The following RBFOX1 variants were observed in gnomAD, a reference collection of about 807,000 sequenced individuals.
RBFOX1 encodes the protein RNA binding protein fox-1 homolog 1.
RBFOX1 carries 8 observed loss-of-function variants against 57.7 expected under a neutral mutation model. That is an observed-to-expected ratio of 0.14 (90% CI 0.08 to 0.25). The LOEUF (loss-of-function observed/expected upper bound fraction) is 0.25, where lower values mean the gene tolerates loss of function less well. RBFOX1 is among the 10% of genes least tolerant of loss of function. The pLI is 1.00. For synonymous variants in RBFOX1, 326 were observed against 222.4 expected, an observed-to-expected ratio of 1.47 and a Z score of -4.15; for missense variants, 611 against 548.5, an observed-to-expected ratio of 1.11 and a Z score of -1.14.
At chr16:6,944,459 C>T (rs951803279) in intron 3 of RBFOX1, among the ~76,000 whole-genome samples, 9 of 151,982 alleles carry the variant, frequency 5.9e-5, no homozygotes, top group African/African-American at 1.9e-4. Context: ...TTGGCCACTT[C>T]CCTGCCTTAC....
intron 4 of RBFOX1, among the ~76,000 whole-genome samples, chr16:7,148,687 C>T (rs2075526170): frequency 6.6e-6 from 1 of 152,194 alleles, no homozygotes; most frequent in Non-Finnish European, 1.5e-5. Context: ...GCTCTACTCT[C>T]TACAGTTTTA....
At chr16:5,433,781 T>G (rs191274828) in intron 1 of RBFOX1, among the ~76,000 whole-genome samples, 1 of 152,168 alleles carries the variant, frequency 6.6e-6, no homozygotes, top group Admixed American at 6.5e-5. Flanking sequence ...CAGGCCCTTC[T>G]TGTTCACCGC....
At chr16:7,329,216 G>T (rs1229821423) in intron 4 of RBFOX1, among the ~76,000 whole-genome samples, 2 of 152,176 alleles carry the variant, frequency 1.3e-5, no homozygotes, top group Non-Finnish European at 2.9e-5. Context: ...AGAGCAGATG[G>T]CAATACACGG....
intron 2 of RBFOX1, among the ~76,000 whole-genome samples, chr16:6,346,454 C>T (rs977150179): frequency 3.9e-5 from 6 of 152,084 alleles, no homozygotes; most frequent in African/African-American, 1.4e-4. Flanking sequence ...AGCTCAGCTT[C>T]AGATAATCCC....
chr16:6,428,090 C>T (rs2093980137), intron 2 of RBFOX1, among the ~76,000 whole-genome samples: 1 of 151,822 alleles, frequency 6.6e-6, no homozygotes, highest in Admixed American at 6.6e-5. Context: ...CAAGATCAAC[C>T]TGGGCAACAT....
intron 3 of RBFOX1, among the ~76,000 whole-genome samples, chr16:6,969,234 G>A (rs777116175): frequency 6.6e-6 from 1 of 152,142 alleles, no homozygotes; most frequent in Admixed American, 6.5e-5. Context: ...GAATGATAAT[G>A]AAGTTCTTGG....
intron 3 of RBFOX1, among the ~76,000 whole-genome samples, chr16:5,658,025 C>T (rs1190757689): frequency 6.6e-6 from 1 of 152,152 alleles, no homozygotes; most frequent in Non-Finnish European, 1.5e-5. Context: ...AGCCACTGCG[C>T]CCAGCTAAGG....
chr16:5,259,281 A>G (rs1567245549), intron 1 of RBFOX1, among the ~76,000 whole-genome samples: 1 of 152,020 alleles, frequency 6.6e-6, no homozygotes, highest in East Asian at 1.9e-4. Flanking sequence ...TAAATACACC[A>G]ATTCCTGGAG....
intron 4 of RBFOX1, among the ~76,000 whole-genome samples, chr16:7,399,434 C>T (rs892993170): frequency 1.3e-4 from 19 of 151,848 alleles, no homozygotes; most frequent in African/African-American, 4.6e-4. Flanking sequence ...GTAACAAGAG[C>T]AGAACTCTGT....
At chr16:6,541,900 G>T (rs990763869) in intron 2 of RBFOX1, among the ~76,000 whole-genome samples, 4 of 152,010 alleles carry the variant, frequency 2.6e-5, no homozygotes, top group African/African-American at 9.7e-5. Flanking sequence ...GCTCTGTGCA[G>T]CAGGTAGTGT....
intron 1 of RBFOX1, among the ~76,000 whole-genome samples, chr16:5,439,619 A>G (rs938659644): frequency 2.0e-5 from 3 of 152,036 alleles, no homozygotes; most frequent in African/African-American, 2.4e-5. Context: ...GGTTTGAGCG[A>G]TTGTGCAGAT....
chr16:6,900,507 A>G (rs1216388882), intron 3 of RBFOX1, among the ~76,000 whole-genome samples: 2 of 152,130 alleles, frequency 1.3e-5, no homozygotes, highest in Middle Eastern at 6.3e-3. Flanking sequence ...ATGGCCTTGG[A>G]TGGTCTGGCC....
intron 4 of RBFOX1, among the ~76,000 whole-genome samples, chr16:7,349,539 T>C (rs1460100375): frequency 1.3e-5 from 2 of 151,842 alleles, no homozygotes; most frequent in African/African-American, 4.8e-5. Context: ...CTTTTTTTTT[T>C]CCAATCAGTA....
chr16:6,033,151 T>G (rs1228811080), intron 1 of RBFOX1, among the ~76,000 whole-genome samples: 5 of 152,178 alleles, frequency 3.3e-5, no homozygotes, highest in Non-Finnish European at 7.3e-5. Context: ...GCAGACATTG[T>G]TTGGATCAAA....
intron 3 of RBFOX1, among the ~76,000 whole-genome samples, chr16:6,893,947 T>C (rs940982238): frequency 2.0e-5 from 3 of 152,120 alleles, no homozygotes; most frequent in African/African-American, 7.2e-5. Flanking sequence ...AGAGAGAACA[T>C]GATAATTAAC....
intron 1 of RBFOX1, among the ~76,000 whole-genome samples, chr16:6,119,664 C>T (rs1597474846): frequency 6.6e-6 from 1 of 152,146 alleles, no homozygotes; most frequent in South Asian, 2.1e-4. Flanking sequence ...TAATCTAAAA[C>T]TGTCATTATT....
chr16:5,623,638 A>G (rs1427559079), intron 3 of RBFOX1, among the ~76,000 whole-genome samples: 1 of 151,838 alleles, frequency 6.6e-6, no homozygotes, highest in Non-Finnish European at 1.5e-5. Context: ...TACACTGGTT[A>G]CCCCTTCCCC....
intron 1 of RBFOX1, among the ~76,000 whole-genome samples, chr16:6,046,137 A>G (rs947961936): frequency 4.6e-5 from 7 of 152,210 alleles, no homozygotes; most frequent in Non-Finnish European, 7.3e-5. Context: ...TTTGGCTGCT[A>G]TGTGGCAGAT....
chr16:6,129,094 T>C (rs1236535412), intron 1 of RBFOX1, among the ~76,000 whole-genome samples: 1 of 149,338 alleles, frequency 6.7e-6, no homozygotes. Flanking sequence ...TAATGCATTA[T>C]GCATCTTGTT....
Sources: allele counts gnomAD v4.1 joint callset (sites outside exome capture counted in the v4.1 genomes callset), GRCh38; gene constraint gnomAD v4.1.1; transcripts MANE v1.5; gene names NCBI Gene and HGNC (gene_info 2026-07-23, HGNC 2026-07-21).